Variants in IPMK observed in about 807,000 individuals in gnomAD.
IPMK encodes inositol polyphosphate multikinase.
A neutral mutation model predicts 45.8 loss-of-function variants in IPMK; 17 were observed. The ratio of observed to expected loss-of-function variants is 0.37; its 90% CI spans 0.25 to 0.56. The LOEUF is 0.56. Among genes scored for constraint, IPMK ranks in the 20% least tolerant of loss-of-function variants. The pLI is 0.79. For missense variants in IPMK, 399 were observed against 498.0 expected (o/e 0.80, Z 1.89); for synonymous variants, 180 against 184.3 (o/e 0.98, Z 0.19).
chr10:58,206,668 G>GT (rs1158798615), intron 4 of IPMK, among the ~76,000 whole-genome samples: 4 of 152,000 alleles, frequency 2.6e-5, no homozygotes, highest in Admixed American at 6.5e-5. Context: ...GGAATAGGTG[G>GT]TTTTTTTGTT....
rs748295234 is a variant in IPMK, at chr10:58,192,446, T to C, written c.*3630A>G. On this transcript the variant is annotated 3_prime_UTR_variant, in exon 6 of 6. Transcript: ENST00000373935. ...GCTTTTTTATGCTATCTGTAACTAA[T>C]ACCCAAACTTAAATAGAGGTTACAA... 3 of 152,040 alleles carry C rather than the reference T, an allele frequency of 2.0e-5. No homozygotes were observed. The highest frequency in any genetic ancestry group is 7.2e-5 in the African/African-American group (3 of 41,442). 9.4% of individuals were successfully genotyped at this position (152,040 alleles called of 1,614,324 possible).
intron 4 of IPMK, among the ~76,000 whole-genome samples, chr10:58,213,422 C>T (rs533521778): frequency 6.6e-5 from 10 of 152,292 alleles, no homozygotes; most frequent in African/African-American, 2.2e-4. Context: ...CGGTGGCTCA[C>T]GCCTGTAATC....
In IPMK at chr10:58,192,820, G is replaced by A. The variant is rs944784672; in HGVS notation, c.*3256C>T. 1 of 151,940 alleles carries A rather than the reference G, an allele frequency of 6.6e-6. No homozygotes were observed. Among genetic ancestry groups the A allele is most frequent in the African/African-American group, 2.4e-5 (1 of 41,412 alleles). 9.4% of individuals were successfully genotyped at this position (151,940 alleles called of 1,614,324 possible). ...GATTGACAATTATTAAAAAGGAATC[G>A]ATGTTTCCTAGGCTATGAAAACATC... On this transcript the variant is annotated 3_prime_UTR_variant, in exon 6 of 6. Transcript: ENST00000373935.
At chr10:58,267,218 G>T (rs913219235) in intron 1 of IPMK, among the ~76,000 whole-genome samples, 1 of 152,168 alleles carries the variant, frequency 6.6e-6, no homozygotes, top group Non-Finnish European at 1.5e-5. Context: ...CAAGCCTGAC[G>T]ACCCACACCC....
intron 1 of IPMK, among the ~76,000 whole-genome samples, chr10:58,262,810 T>C (rs1020285748): frequency 6.6e-6 from 1 of 152,220 alleles, no homozygotes; most frequent in African/African-American, 2.4e-5. Flanking sequence ...ATGATACATG[T>C]TATCAAATAG....
chr10:58,252,278 C>T (rs997568116), intron 1 of IPMK, among the ~76,000 whole-genome samples: 1 of 152,180 alleles, frequency 6.6e-6, no homozygotes, highest in Non-Finnish European at 1.5e-5. Context: ...AACACCATAT[C>T]ACCCCCGGTA....
intron 3 of IPMK, among the ~76,000 whole-genome samples, chr10:58,217,364 G>A (rs1013666662): frequency 6.6e-6 from 1 of 151,708 alleles, no homozygotes; most frequent in African/African-American, 2.4e-5. Context: ...AAACAGTAAG[G>A]AAAGAAATTC....
chr10:58,209,658 G>C (rs1461970080), intron 4 of IPMK, among the ~76,000 whole-genome samples: 1 of 152,224 alleles, frequency 6.6e-6, no homozygotes, highest in East Asian at 1.9e-4. Flanking sequence ...TGGCAGGGGA[G>C]TGAGGTAGAC....
chr10:58,204,654 G>A (rs1173681117), intron 4 of IPMK, among the ~76,000 whole-genome samples: 1 of 152,088 alleles, frequency 6.6e-6, no homozygotes, highest in Admixed American at 6.5e-5. Context: ...AATTAGTTGG[G>A]TGTGATGGTG....
At chr10:58,261,017 T>G (rs1839057197) in intron 1 of IPMK, among the ~76,000 whole-genome samples, 1 of 148,976 alleles carries the variant, frequency 6.7e-6, no homozygotes. Context: ...ATAACTTGAA[T>G]CAAGATCGTG....
intron 1 of IPMK, among the ~76,000 whole-genome samples, chr10:58,263,683 C>CA (rs1839108016): frequency 6.6e-6 from 1 of 152,066 alleles, no homozygotes; most frequent in South Asian, 2.1e-4. Context: ...GAGCCTGTCT[C>CA]AAAAAACAAA....
chr10:58,216,388 A>C, intron 3 of IPMK, 71 bp from the exon 4 acceptor site: 1 of 654,084 alleles, frequency 1.5e-6, no homozygotes, highest in Non-Finnish European at 2.3e-6. Flanking sequence ...CCAGGGAAAA[A>C]CAAGATGAGA....
intron 4 of IPMK, among the ~76,000 whole-genome samples, chr10:58,200,918 G>A (rs1301312055): frequency 1.3e-5 from 2 of 151,934 alleles, no homozygotes; most frequent in African/African-American, 4.8e-5. Flanking sequence ...ATAAAGTGAG[G>A]GTATTTAGGG....
chr10:58,233,464 C>T (rs1021456156), intron 2 of IPMK, among the ~76,000 whole-genome samples: 16 of 152,150 alleles, frequency 1.1e-4, no homozygotes, highest in Admixed American at 6.5e-4. Context: ...CATCAAAAAG[C>T]TTATCCACCA....
chr10:58,229,198 G>T (rs886759719), intron 2 of IPMK, among the ~76,000 whole-genome samples: 1 of 152,088 alleles, frequency 6.6e-6, no homozygotes, highest in African/African-American at 2.4e-5. Context: ...ACTCTCAACT[G>T]ATAGAGCAGA....
intron 1 of IPMK, among the ~76,000 whole-genome samples, chr10:58,261,742 C>G (rs996998926): frequency 6.6e-6 from 1 of 152,048 alleles, no homozygotes; most frequent in Non-Finnish European, 1.5e-5. Context: ...CCAACACATC[C>G]GGCTAATTTT....
chr10:58,223,262 ATAT>A (rs1299530918), intron 3 of IPMK, among the ~76,000 whole-genome samples: 1 of 152,178 alleles, frequency 6.6e-6, no homozygotes, highest in Admixed American at 6.5e-5. Context: ...TTAAATATAC[ATAT>A]TGTTTTATAA....
chr10:58,267,757 A>C lies in IPMK; in HGVS notation c.-146T>G. On this transcript the variant is annotated 5_prime_UTR_variant, in exon 1 of 6. Transcript: ENST00000373935. ...GGCTGGTGCCCTCTGAAGCGCGGGG[A>C]GGGGGCCCATGACGCCGCCGGGGCG... 1 of 576,766 alleles carries C rather than the reference A, an allele frequency of 1.7e-6. No homozygotes were observed. The highest frequency in any genetic ancestry group is 3.1e-6 in the Non-Finnish European group (1 of 326,232). 35.7% of individuals were successfully genotyped at this position (576,766 alleles called of 1,614,324 possible).
At chr10:58,234,614 T>C (rs996645990) in intron 2 of IPMK, among the ~76,000 whole-genome samples, 1 of 152,204 alleles carries the variant, frequency 6.6e-6, no homozygotes, top group South Asian at 2.1e-4. Flanking sequence ...GCTAGCCATA[T>C]GGAGAAAGCT....
Sources: allele counts gnomAD v4.1 joint callset (sites outside exome capture counted in the v4.1 genomes callset), GRCh38; gene constraint gnomAD v4.1.1; transcripts MANE v1.5; gene names NCBI Gene and HGNC (gene_info 2026-07-23, HGNC 2026-07-21).